The following MGST2 variants were observed in gnomAD, a reference collection of about 807,000 sequenced individuals.
MGST2 encodes the protein microsomal glutathione S-transferase 2, also known as glutathione peroxidase MGST2.
A neutral mutation model predicts 16.6 loss-of-function variants in MGST2; 9 were observed. That is an observed-to-expected ratio of 0.54 (90% CI 0.33 to 0.95). The LOEUF is 0.95. Ranked by LOEUF, MGST2 falls within the 40% of genes least tolerant of loss-of-function variation. The probability of loss-of-function intolerance (pLI) is 0.03; values close to 1 mark genes in which losing one functional copy is unlikely to be tolerated. For synonymous variants in MGST2, 79 were observed against 68.0 expected, an observed-to-expected ratio of 1.16 and a Z score of -0.79; for missense variants, 159 against 175.1, an observed-to-expected ratio of 0.91 and a Z score of 0.52.
intron 5 of MGST2, among the ~76,000 whole-genome samples, chr4:139,734,432 T>C (rs375052590): frequency 2.6e-5 from 4 of 152,368 alleles, no homozygotes; most frequent in African/African-American, 9.6e-5. Context: ...CTCCCAAGAA[T>C]CTTAATACAG....
intron 5 of MGST2, chr4:139,719,491 G>C: frequency 6.2e-7 from 1 of 1,614,038 alleles, no homozygotes; most frequent in Non-Finnish European, 8.5e-7. Context: ...TCCGCTCATA[G>C]GCTTGGCTCT....
At chr4:139,697,294 T>C (rs983009401) in intron 3 of MGST2, among the ~76,000 whole-genome samples, 1 of 152,176 alleles carries the variant, frequency 6.6e-6, no homozygotes, top group Non-Finnish European at 1.5e-5. Context: ...CTAATAAATG[T>C]CCTTTGTGAC....
chr4:139,706,419 A>G (rs1727520515), downstream of MGST2, among the ~76,000 whole-genome samples: 1 of 152,226 alleles, frequency 6.6e-6, no homozygotes, highest in Non-Finnish European at 1.5e-5. Flanking sequence ...TAGGGCAAAT[A>G]TGCTAAAAAG....
chr4:139,667,507 GGA>G (rs1246610701), intron 1 of MGST2, among the ~76,000 whole-genome samples: 1 of 151,446 alleles, frequency 6.6e-6, no homozygotes, highest in African/African-American at 2.4e-5. Flanking sequence ...GTAGGGGTGG[GGA>G]GAGAGGAGAG....
At chr4:139,754,167 C>A in the MGST2 span, among the ~76,000 whole-genome samples, 2 of 152,254 alleles carry the variant, frequency 1.3e-5, no homozygotes, top group East Asian at 1.9e-4. Flanking sequence ...ATAATGCAAA[C>A]AATATTACTA....
At chr4:139,724,466 A>C (rs559702035) in intron 5 of MGST2, among the ~76,000 whole-genome samples, 13 of 152,318 alleles carry the variant, frequency 8.5e-5, no homozygotes, top group Non-Finnish European at 2.9e-5. Context: ...GCTACCTTAG[A>C]TCAGAAAATT....
chr4:139,731,608 CTCTT>C (rs1728727705), intron 5 of MGST2, among the ~76,000 whole-genome samples: 1 of 151,766 alleles, frequency 6.6e-6, no homozygotes. Flanking sequence ...CAGAGTGAGA[CTCTT>C]TCTCAAAAAA....
intron 5 of MGST2, among the ~76,000 whole-genome samples, chr4:139,710,267 C>T (rs1023113995): frequency 1.3e-5 from 2 of 152,198 alleles, no homozygotes; most frequent in African/African-American, 4.8e-5. Flanking sequence ...CAGTGAAATA[C>T]GTCTTTCTCA....
chr4:139,721,251 C>G (rs1465110688), intron 5 of MGST2, among the ~76,000 whole-genome samples: 1 of 152,120 alleles, frequency 6.6e-6, no homozygotes, highest in Admixed American at 6.5e-5. Flanking sequence ...TGAGTGAGTC[C>G]TTCTTTACAT....
the MGST2 span, among the ~76,000 whole-genome samples, chr4:139,751,507 C>T: frequency 6.6e-6 from 1 of 152,222 alleles, no homozygotes; most frequent in Non-Finnish European, 1.5e-5. Flanking sequence ...TGACCCATCA[C>T]ATGAGGTCAG....
chr4:139,704,981 G>C (rs1237922216), downstream of MGST2, among the ~76,000 whole-genome samples: 1 of 152,142 alleles, frequency 6.6e-6, no homozygotes, highest in Non-Finnish European at 1.5e-5. Flanking sequence ...AAAGAAAAAA[G>C]TGTTTCCAGG....
chr4:139,720,636 G>A (rs1377890293), intron 5 of MGST2, among the ~76,000 whole-genome samples: 1 of 152,178 alleles, frequency 6.6e-6, no homozygotes, highest in Non-Finnish European at 1.5e-5. Flanking sequence ...TACTGTGCAT[G>A]TGTTTTTGTA....
intron 3 of MGST2, among the ~76,000 whole-genome samples, chr4:139,699,380 A>G (rs1453390435): frequency 6.6e-6 from 1 of 152,132 alleles, no homozygotes; most frequent in African/African-American, 2.4e-5. Context: ...TCATATATAT[A>G]TCTATATAGT....
At chr4:139,753,144 C>T in the MGST2 span, among the ~76,000 whole-genome samples, 1 of 152,134 alleles carries the variant, frequency 6.6e-6, no homozygotes, top group Non-Finnish European at 1.5e-5. Flanking sequence ...CCTTCTTTCC[C>T]TTTTCATTGG....
chr4:139,672,150 G>A (rs1414288384), intron 1 of MGST2, among the ~76,000 whole-genome samples: 1 of 152,130 alleles, frequency 6.6e-6, no homozygotes, highest in Non-Finnish European at 1.5e-5. Flanking sequence ...ACAAACAGAT[G>A]CCCATTGGGT....
intron 2 of MGST2, among the ~76,000 whole-genome samples, chr4:139,693,155 C>T (rs931836194): frequency 8.6e-5 from 13 of 151,598 alleles, no homozygotes; most frequent in Admixed American, 2.6e-4. Flanking sequence ...CGGTGGCTCA[C>T]GCCTGTAATC....
intron 3 of MGST2, among the ~76,000 whole-genome samples, chr4:139,698,806 T>G (rs529899389): frequency 3.9e-5 from 6 of 152,032 alleles, no homozygotes; most frequent in Non-Finnish European, 8.8e-5. Context: ...ATCTTTTCCT[T>G]TCTTCTTTCT....
In MGST2 at chr4:139,696,985, C is replaced by T. The variant is rs544128375; in HGVS notation, c.229+1718C>T. ...CCTTCCACGTTGAACTCATGGGGTT[C>T]TGGGTGGTCAGGGACAGTGTCCAAT... is the stretch of plus-strand genomic sequence containing the variant. On this transcript the variant is annotated intron_variant, in intron 3 of 4. Coordinates refer to ENST00000265498, the MANE Select transcript of MGST2 (RefSeq NM_002413.5). Among the ~76,000 whole-genome samples the T allele has an allele frequency of 1.4e-4, 22 of 152,190 alleles. No individual in the cohort carries two copies. In the South Asian group the frequency reaches 3.1e-3, roughly 22 times the overall value.
At chr4:139,691,660 GCAGT>G (rs752050144) in intron 2 of MGST2, among the ~76,000 whole-genome samples, 11 of 148,180 alleles carry the variant, frequency 7.4e-5, no homozygotes, top group Admixed American at 1.3e-4. Context: ...CACCCCACTG[GCAGT>G]CAGATGATGA....
Sources: gnomAD v4.1 joint callset for allele counts (sites outside exome capture counted in the v4.1 genomes callset) on GRCh38, gnomAD v4.1.1 for gene constraint, MANE v1.5 for transcripts, NCBI Gene and HGNC (gene_info 2026-07-23, HGNC 2026-07-21) for gene names.